TRPM3: variants seen among roughly 807,000 people sequenced by gnomAD.
TRPM3 encodes long transient receptor potential channel 3.
A neutral mutation model predicts 181.2 loss-of-function variants in TRPM3; 77 were observed. The observed-to-expected ratio is 0.42, with a 90% confidence interval of 0.35 to 0.51. TRPM3 has a LOEUF of 0.51. TRPM3 is among the 20% of genes least tolerant of loss of function. The pLI, the probability that TRPM3 is intolerant of heterozygous loss-of-function variation, is 0.01. For missense variants in TRPM3, 1,759 were observed against 2,196.7 expected (o/e 0.80, Z 3.98); for synonymous variants, 745 against 796.4 (o/e 0.94, Z 1.09).
chr9:70,643,207 GT>G (rs1470223817), intron 9 of TRPM3, among the ~76,000 whole-genome samples: 1 of 152,180 alleles, frequency 6.6e-6, no homozygotes, highest in Non-Finnish European at 1.5e-5. Context: ...AAAATGTTCT[GT>G]CATCAATTTG....
intron 1 of TRPM3, among the ~76,000 whole-genome samples, chr9:70,889,214 G>T (rs1217009227): frequency 6.6e-6 from 1 of 152,130 alleles, no homozygotes; most frequent in African/African-American, 2.4e-5. Context: ...ACAAATGGTT[G>T]AAAGTCTTTA....
chr9:71,143,274 A>C (rs1324313962), intron 1 of TRPM3, among the ~76,000 whole-genome samples: 1 of 151,998 alleles, frequency 6.6e-6, no homozygotes, highest in African/African-American at 2.4e-5. Context: ...TGTACAGATT[A>C]TTTCATAATG....
At chr9:71,022,619 G>A (rs1315198731) in intron 1 of TRPM3, among the ~76,000 whole-genome samples, 1 of 152,066 alleles carries the variant, frequency 6.6e-6, no homozygotes. Context: ...GATATTTTGA[G>A]CGTAGGAGTT....
chr9:71,182,326 T>A (rs2077452631), intron 1 of TRPM3, among the ~76,000 whole-genome samples: 1 of 152,064 alleles, frequency 6.6e-6, no homozygotes, highest in African/African-American at 2.4e-5. Flanking sequence ...CAACTCCCTC[T>A]CCATGGAATT....
chr9:71,276,539 A>G (rs1486468485), intron 1 of TRPM3, among the ~76,000 whole-genome samples: 1 of 152,230 alleles, frequency 6.6e-6, no homozygotes, highest in Admixed American at 6.5e-5. Context: ...GAAGAAATAA[A>G]TGACCCATAA....
At chr9:71,220,772 C>T (rs1306267285) in intron 1 of TRPM3, among the ~76,000 whole-genome samples, 2 of 152,214 alleles carry the variant, frequency 1.3e-5, no homozygotes, top group East Asian at 1.9e-4. Flanking sequence ...ACAAAGTCTA[C>T]ACACGAAAAT....
intron 1 of TRPM3, among the ~76,000 whole-genome samples, chr9:70,950,319 G>A (rs1000751855): frequency 1.3e-5 from 2 of 152,106 alleles, no homozygotes; most frequent in Admixed American, 1.3e-4. Context: ...TTTTAATAAA[G>A]AGCTGTCAAA....
At chr9:71,418,825 A>ATATATG (rs1196395687) in intron 1 of TRPM3, among the ~76,000 whole-genome samples, 2 of 116,098 alleles carry the variant, frequency 1.7e-5, no homozygotes, top group Non-Finnish European at 3.7e-5. Flanking sequence ...ATATATATAT[A>ATATATG]TATCCTTTGA....
intron 1 of TRPM3, among the ~76,000 whole-genome samples, chr9:71,393,798 C>A (rs1332673416): frequency 6.6e-6 from 1 of 152,288 alleles, no homozygotes; most frequent in African/African-American, 2.4e-5. Context: ...ACACAGCACA[C>A]TCAGATCATT....
chr9:71,033,440 A>G (rs988132121), intron 1 of TRPM3, among the ~76,000 whole-genome samples: 1 of 152,240 alleles, frequency 6.6e-6, no homozygotes, highest in African/African-American at 2.4e-5. Context: ...TTCCTATGGT[A>G]TATTTCTGGT....
At chr9:71,263,462 A>G (rs888334395) in intron 1 of TRPM3, among the ~76,000 whole-genome samples, 1 of 152,238 alleles carries the variant, frequency 6.6e-6, no homozygotes, top group Non-Finnish European at 1.5e-5. Context: ...CTACAACAGT[A>G]TCTTTCATCT....
chr9:71,031,013 G>T (rs756391903), intron 1 of TRPM3, among the ~76,000 whole-genome samples: 2 of 152,018 alleles, frequency 1.3e-5, no homozygotes, highest in Non-Finnish European at 2.9e-5. Flanking sequence ...GTATATTTTA[G>T]CCTTTTCTAG....
chr9:70,598,396 T>C (rs758816404), intron 21 of TRPM3, 23 bp downstream of exon 21: 1 of 1,609,176 alleles, frequency 6.2e-7, no homozygotes, highest in South Asian at 1.1e-5. Context: ...ACTTATAACA[T>C]GGAATCAGAA....
At chr9:70,886,187 A>T (rs1258922705) in intron 1 of TRPM3, among the ~76,000 whole-genome samples, 4 of 152,116 alleles carry the variant, frequency 2.6e-5, no homozygotes, top group Admixed American at 6.5e-5. Context: ...AGGCCAAATT[A>T]AAAAAAGCCA....
Position 70,598,533 on chromosome 9 carries a change from C to T in TRPM3, c.2934G>A (p.Arg978=), listed in dbSNP as rs750912609. 8.7e-6 allele frequency: 14 copies of T among 1,614,202 alleles called. No homozygotes were observed. The highest frequency in any genetic ancestry group is 1.2e-5 in the Non-Finnish European group (14 of 1,180,036). ...CGCAGTAGATGACCCTCCCGTCACT[C>T]CTGAAGGGCTGGTCTTGGAGACGAA... The part of the protein sequence containing the change: ...MILRLQDQPF[R]SDGRVIYCVN... Residue 978 remains arginine, a synonymous_variant, in exon 21 of 26, where the codon AGG becomes AGA. Coordinates refer to ENST00000677713, the MANE Select transcript of TRPM3 (RefSeq NM_001366145.2).
At chr9:70,564,070 G>T (rs2049883113) in intron 22 of TRPM3, among the ~76,000 whole-genome samples, 1 of 152,190 alleles carries the variant, frequency 6.6e-6, no homozygotes, top group African/African-American at 2.4e-5. Flanking sequence ...TCAGAGAAGG[G>T]AGGGGCTGTG....
chr9:71,264,106 C>A (rs2083232243), intron 1 of TRPM3, among the ~76,000 whole-genome samples: 1 of 152,130 alleles, frequency 6.6e-6, no homozygotes, highest in Admixed American at 6.5e-5. Context: ...CTCACCTATT[C>A]TTATTAATCC....
At chr9:70,742,053 A>ATT (rs1564086022) in intron 8 of TRPM3, among the ~76,000 whole-genome samples, 1 of 152,154 alleles carries the variant, frequency 6.6e-6, no homozygotes, top group East Asian at 1.9e-4. Context: ...AAGTTTTTTA[A>ATT]TTTTTTAAAA....
chr9:70,829,119 G>A (rs1240317578), intron 5 of TRPM3, among the ~76,000 whole-genome samples: 3 of 152,112 alleles, frequency 2.0e-5, no homozygotes, highest in Non-Finnish European at 4.4e-5. Context: ...AGAAATAAAT[G>A]CTACCGAATT....
Sources: allele counts gnomAD v4.1 joint callset (sites outside exome capture counted in the v4.1 genomes callset), GRCh38; gene constraint gnomAD v4.1.1; transcripts MANE v1.5; gene names NCBI Gene and HGNC (gene_info 2026-07-23, HGNC 2026-07-21).